Variants in KCNH7 observed in about 807,000 individuals in gnomAD.
The protein encoded by KCNH7 is voltage-gated inwardly rectifying potassium channel KCNH7.
KCNH7 carries 49 observed loss-of-function variants against 120.8 expected under a neutral mutation model. The observed-to-expected ratio is 0.41, with a 90% CI of 0.32 to 0.51. The LOEUF is 0.51. Among genes scored for constraint, KCNH7 ranks in the 20% least tolerant of loss-of-function variants. The pLI is 0.38. For synonymous variants in KCNH7, 547 were observed against 516.1 expected, an observed-to-expected ratio of 1.06 and a Z score of -0.81; for missense variants, 1,097 against 1,446.6, an observed-to-expected ratio of 0.76 and a Z score of 3.92.
intron 2 of KCNH7, among the ~76,000 whole-genome samples, chr2:162,679,664 C>G (rs1685647411): frequency 6.6e-6 from 1 of 151,568 alleles, no homozygotes; most frequent in South Asian, 2.1e-4. Flanking sequence ...TATTTCTTAT[C>G]CATTCATTAA....
chr2:162,609,477 G>A (rs1260106753), intron 2 of KCNH7, among the ~76,000 whole-genome samples: 16 of 151,830 alleles, frequency 1.1e-4, no homozygotes, highest in Admixed American at 8.5e-4. Context: ...TTTCCCTTGC[G>A]TTGTTGTCCT....
chr2:162,783,873 T>C (rs1683601320), intron 2 of KCNH7, among the ~76,000 whole-genome samples: 1 of 152,196 alleles, frequency 6.6e-6, no homozygotes, highest in Non-Finnish European at 1.5e-5. Flanking sequence ...ATGTTTCCAT[T>C]TGAAATGTAA....
At chr2:162,774,688 CT>C (rs1480822617) in intron 2 of KCNH7, among the ~76,000 whole-genome samples, 1 of 152,046 alleles carries the variant, frequency 6.6e-6, no homozygotes, top group Non-Finnish European at 1.5e-5. Context: ...TCAAAACAAA[CT>C]TTTTATCACA....
chr2:162,765,108 A>G (rs1293924271), intron 2 of KCNH7, among the ~76,000 whole-genome samples: 1 of 152,102 alleles, frequency 6.6e-6, no homozygotes, highest in Non-Finnish European at 1.5e-5. Flanking sequence ...CACAAAACAG[A>G]AGATCAAGCT....
intron 2 of KCNH7, among the ~76,000 whole-genome samples, chr2:162,766,729 A>G (rs1275779796): frequency 6.6e-6 from 1 of 152,124 alleles, no homozygotes; most frequent in Non-Finnish European, 1.5e-5. Context: ...TTAAAAATTC[A>G]ACATACACAA....
At chr2:162,645,166 T>G (rs1684311175) in intron 2 of KCNH7, among the ~76,000 whole-genome samples, 1 of 152,140 alleles carries the variant, frequency 6.6e-6, no homozygotes, top group Non-Finnish European at 1.5e-5. Flanking sequence ...AGCATTTTTT[T>G]TTAACAGAAT....
chr2:162,758,457 T>G (rs771015495), intron 2 of KCNH7, among the ~76,000 whole-genome samples: 4 of 152,148 alleles, frequency 2.6e-5, no homozygotes, highest in Admixed American at 1.3e-4. Flanking sequence ...ATTGTTTATA[T>G]GTACACACAC....
At chr2:162,705,411 C>A (rs1272917103) in intron 2 of KCNH7, among the ~76,000 whole-genome samples, 1 of 152,044 alleles carries the variant, frequency 6.6e-6, no homozygotes, top group African/African-American at 2.4e-5. Flanking sequence ...GATAAAATTT[C>A]TAAATCCTGA....
intron 2 of KCNH7, among the ~76,000 whole-genome samples, chr2:162,544,639 T>C (rs1297062716): frequency 1.3e-5 from 2 of 152,156 alleles, no homozygotes; most frequent in Admixed American, 6.5e-5. Context: ...AAGATATTTT[T>C]TATGTTTTAT....
Position 162,679,659 on chromosome 2 carries a change from C to A in KCNH7, c.308-142579G>T, listed in dbSNP as rs529702191. On this transcript the variant is annotated intron_variant, in intron 2 of 15. Transcript: ENST00000332142. ...TTTCCTTTATATCATTATCTTATTT[C>A]TTATCCATTCATTAACCTGAGAGTC... is the stretch of plus-strand genomic sequence containing the variant. Among the ~76,000 whole-genome samples the A allele has an allele frequency of 3.3e-5, 5 of 151,670 alleles. No homozygotes were observed. In the South Asian group the frequency reaches 1.0e-3, roughly 32 times the overall value.
chr2:162,619,446 G>A (rs1242324407), intron 2 of KCNH7, among the ~76,000 whole-genome samples: 1 of 142,888 alleles, frequency 7.0e-6, no homozygotes, highest in Non-Finnish European at 1.5e-5. Context: ...CCTTGGTCCA[G>A]GACACTCAAT....
intron 2 of KCNH7, among the ~76,000 whole-genome samples, chr2:162,709,414 G>A (rs894981190): frequency 6.6e-6 from 1 of 151,976 alleles, no homozygotes; most frequent in East Asian, 1.9e-4. Flanking sequence ...TCAATCCAGT[G>A]GGCATTAACA....
In KCNH7 at chr2:162,807,575, C is replaced by T. The variant is rs187550449; in HGVS notation, c.307+28962G>A. ...AAAAACAGTCTAACATCCCTCTGCA[C>T]GCTGAAAAATAATGACATGAAGTGG... On this transcript the variant is annotated intron_variant, in intron 2 of 15. Coordinates refer to ENST00000332142, the MANE Select transcript of KCNH7 (RefSeq NM_033272.4). 2.3e-3 allele frequency among the ~76,000 whole-genome samples: 354 copies of T among 152,212 alleles called. 5 individuals are homozygous for T. The highest frequency in any genetic ancestry group is 3.3e-3 in the Non-Finnish European group (223 of 68,016).
chr2:162,670,484 A>AAG lies in KCNH7; in HGVS notation c.308-133405_308-133404insCT, dbSNP rs1451126136. On this transcript the variant is annotated intron_variant, in intron 2 of 15. Transcript: ENST00000332142. Reference sequence around the variant, plus strand: ...GCGAACTCTGTCAAAAAAAAAAAAAAAAAAAAAAGAAAAATATTGACTGTA... The same window carrying AAG: ...GCGAACTCTGTCAAAAAAAAAAAAAAAGAAAAAAAAGAAAAATATTGACTGTA... Among the ~76,000 whole-genome samples, 8 of 150,982 alleles carry AAG rather than the reference A, an allele frequency of 5.3e-5. 1 individual carries two copies. The South Asian group carries it at 1.2e-3, about 24-fold the overall frequency.
At chr2:162,701,279 A>T (rs938980169) in intron 2 of KCNH7, among the ~76,000 whole-genome samples, 2 of 152,154 alleles carry the variant, frequency 1.3e-5, no homozygotes, top group Non-Finnish European at 2.9e-5. Flanking sequence ...TGAAACATGC[A>T]TAATAAAAAG....
chr2:162,823,866 C>T, intron 2 of KCNH7, among the ~76,000 whole-genome samples: 1 of 152,062 alleles, frequency 6.6e-6, no homozygotes, highest in East Asian at 1.9e-4. Context: ...CTCTAATTAC[C>T]TTCTGGAAAA....
chr2:162,471,482 T>A (rs1379396170), intron 6 of KCNH7, among the ~76,000 whole-genome samples: 2 of 152,226 alleles, frequency 1.3e-5, no homozygotes, highest in African/African-American at 4.8e-5. Flanking sequence ...ATGGTGTGGG[T>A]GAAGAGGTCT....
At chr2:162,435,973 G>A (rs936226756) in intron 7 of KCNH7, among the ~76,000 whole-genome samples, 2 of 151,966 alleles carry the variant, frequency 1.3e-5, no homozygotes, top group Non-Finnish European at 1.5e-5. Flanking sequence ...AAACAGACAT[G>A]GTTACTTTCC....
chr2:162,537,595 C>A (rs1278165917), intron 2 of KCNH7, among the ~76,000 whole-genome samples: 1 of 151,962 alleles, frequency 6.6e-6, no homozygotes, highest in Non-Finnish European at 1.5e-5. Context: ...TAATTCTTTT[C>A]TTTTCTGTGC....
Sources: allele counts gnomAD v4.1 joint callset (sites outside exome capture counted in the v4.1 genomes callset), GRCh38; gene constraint gnomAD v4.1.1; transcripts MANE v1.5; gene names NCBI Gene and HGNC (gene_info 2026-07-23, HGNC 2026-07-21).